SORCS2: variants seen among roughly 807,000 people sequenced by gnomAD.
SORCS2 encodes the protein VPS10 domain-containing receptor SorCS2.
A neutral mutation model predicts 141.6 loss-of-function variants in SORCS2; 100 were observed. The observed-to-expected ratio is 0.71, with a 90% confidence interval of 0.60 to 0.83. The LOEUF (loss-of-function observed/expected upper bound fraction) is 0.83. Ranked by LOEUF, SORCS2 falls within the 40% of genes least tolerant of loss-of-function variation. The pLI is 0.00. For synonymous variants in SORCS2, 789 were observed against 676.9 expected, an observed-to-expected ratio of 1.17 and a Z score of -2.57; for missense variants, 1,646 against 1,560.2, an observed-to-expected ratio of 1.05 and a Z score of -0.93.
chr4:7,314,640 A>G (rs1178266632), intron 1 of SORCS2, among the ~76,000 whole-genome samples: 1 of 151,760 alleles, frequency 6.6e-6, no homozygotes, highest in Non-Finnish European at 1.5e-5. Context: ...CACCCGGCCA[A>G]TCATGGACTT....
intron 2 of SORCS2, among the ~76,000 whole-genome samples, chr4:7,402,077 T>A (rs1577504625): frequency 1.3e-5 from 2 of 152,158 alleles, no homozygotes; most frequent in East Asian, 3.9e-4. Context: ...CAGTGGATGG[T>A]GAGCAGGAAT....
intron 8 of SORCS2, among the ~76,000 whole-genome samples, chr4:7,670,025 C>T (rs1372089832): frequency 6.6e-6 from 1 of 152,200 alleles, no homozygotes; most frequent in African/African-American, 2.4e-5. Context: ...TGTGTGCCCA[C>T]AGGTATTTCT....
At chr4:7,454,258 C>G (rs1240365767) in intron 2 of SORCS2, among the ~76,000 whole-genome samples, 3 of 83,818 alleles carry the variant, frequency 3.6e-5, no homozygotes, top group Non-Finnish European at 6.6e-5. Context: ...GGGTCAGGCT[C>G]TGTGTTGGGG....
intron 1 of SORCS2, among the ~76,000 whole-genome samples, chr4:7,196,310 G>A (rs939269365): frequency 4.6e-5 from 7 of 152,292 alleles, no homozygotes; most frequent in Middle Eastern, 3.4e-3. Context: ...TGGAGGCAGC[G>A]GTGCTATTTG....
chr4:7,674,177 T>A (rs867370127), intron 8 of SORCS2, among the ~76,000 whole-genome samples: 1 of 151,596 alleles, frequency 6.6e-6, no homozygotes, highest in Non-Finnish European at 1.5e-5. Flanking sequence ...GTTCTGTGTG[T>A]CTCGGTGCCA....
chr4:7,549,385 C>T lies in SORCS2; in HGVS notation c.648+17756C>T, dbSNP rs73797030. ...GAGATGTCCCAGCTTGGACAGCATT[C>T]TAGATGTTGGCCTTTTATTGATGTG... On this transcript the variant is annotated intron_variant, in intron 3 of 26. Transcript: ENST00000507866. Among the ~76,000 whole-genome samples the T allele has an allele frequency of 5.6e-3, 856 of 151,816 alleles. 11 individuals carry two copies. The highest frequency in any genetic ancestry group is 0.019 in the African/African-American group (802 of 41,392).
intron 19 of SORCS2, among the ~76,000 whole-genome samples, chr4:7,724,648 A>T (rs1217851526): frequency 7.5e-6 from 1 of 132,876 alleles, no homozygotes; most frequent in East Asian, 2.3e-4. Flanking sequence ...GGTGGAGGTG[A>T]TGGTGGTAGT....
chr4:7,615,761 C>T (rs1718717070), intron 3 of SORCS2, among the ~76,000 whole-genome samples: 1 of 137,734 alleles, frequency 7.3e-6, no homozygotes, highest in African/African-American at 2.9e-5. Context: ...CTTCACGGTG[C>T]TCATCACTTA....
At chr4:7,500,758 A>C (rs955597289) in intron 2 of SORCS2, among the ~76,000 whole-genome samples, 1 of 152,192 alleles carries the variant, frequency 6.6e-6, no homozygotes, top group Non-Finnish European at 1.5e-5. Context: ...GCTGTAACTC[A>C]GGGAGGCCCT....
chr4:7,444,027 C>T (rs1301954849), intron 2 of SORCS2, among the ~76,000 whole-genome samples: 1 of 152,238 alleles, frequency 6.6e-6, no homozygotes, highest in Non-Finnish European at 1.5e-5. Flanking sequence ...GTCTTATCCC[C>T]ACAGGTGAAG....
intron 2 of SORCS2, among the ~76,000 whole-genome samples, chr4:7,490,793 C>T (rs1731270075): frequency 6.6e-6 from 1 of 152,142 alleles, no homozygotes; most frequent in African/African-American, 2.4e-5. Context: ...CTCCGTGCCC[C>T]AGGTCATCTC....
At position 7,286,567 on chromosome 4, in the gene SORCS2, G is replaced by A. The variant is rs796128611; in HGVS notation, c.480+93441G>A. 4.7e-4 allele frequency among the ~76,000 whole-genome samples: 72 copies of A among 152,282 alleles called. No homozygotes were observed. The highest frequency in any genetic ancestry group is 1.6e-3 in the African/African-American group (65 of 41,552). ...CTGGGGTCGGTCCCAGGACCAGAAGGGACATGGTCCCATTCGGTCCCAGGC... is the reference window on the plus strand; with the variant it reads ...CTGGGGTCGGTCCCAGGACCAGAAGAGACATGGTCCCATTCGGTCCCAGGC... On this transcript the variant is annotated intron_variant, in intron 1 of 26. Coordinates refer to ENST00000507866, the MANE Select transcript of SORCS2 (RefSeq NM_020777.3). The surrounding 1 kb of genome is among the most constrained non-coding windows in gnomAD (Gnocchi z 4.1).
chr4:7,725,148 C>T lies in SORCS2; in HGVS notation c.2612-6C>T. ...ATCTAACCCTGGCCTTTTTGGGTCC[C>T]CACAGCCCCCCTGCAGGCCCTCTAC... On this transcript the variant is annotated splice_polypyrimidine_tract_variant and splice_region_variant and intron_variant, in intron 19 of 26. Coordinates refer to ENST00000507866, the MANE Select transcript of SORCS2 (RefSeq NM_020777.3). 1 of 1,612,134 alleles carries T rather than the reference C, an allele frequency of 6.2e-7. No individual in the cohort carries two copies.
At chr4:7,667,506 C>T (rs1291084435) in intron 8 of SORCS2, among the ~76,000 whole-genome samples, 1 of 152,168 alleles carries the variant, frequency 6.6e-6, no homozygotes, top group Admixed American at 6.5e-5. Context: ...GGAGAAATAT[C>T]ACTTGCTAAA....
intron 5 of SORCS2, among the ~76,000 whole-genome samples, chr4:7,656,219 A>C (rs182919526): frequency 1.4e-3 from 217 of 152,302 alleles, no homozygotes; most frequent in African/African-American, 5.0e-3. Flanking sequence ...AAGCAAGCTC[A>C]TTAGAGTGGC....
chr4:7,418,796 T>A (rs532345237), intron 2 of SORCS2, among the ~76,000 whole-genome samples: 2 of 150,054 alleles, frequency 1.3e-5, no homozygotes, highest in African/African-American at 4.9e-5. Context: ...CTCAGCTGGC[T>A]GGATCTTTGG....
intron 16 of SORCS2, 61 bp from the exon 17 acceptor site, chr4:7,715,122 C>T: frequency 6.3e-7 from 1 of 1,597,424 alleles, no homozygotes; most frequent in Non-Finnish European, 8.6e-7. Context: ...TCACCCCAAC[C>T]CTGGGTGACT....
At position 7,373,478 on chromosome 4, in the gene SORCS2, A is replaced by ATATATAATT. The variant is rs1470691140; in HGVS notation, c.481-22809_481-22808insATATAATTT. Among the ~76,000 whole-genome samples the ATATATAATT allele has an allele frequency of 4.1e-4, 15 of 36,818 alleles. 2 individuals carry two copies. Among genetic ancestry groups the ATATATAATT allele is most frequent in the African/African-American group, 2.4e-3 (15 of 6,272 alleles). 24.2% of individuals were successfully genotyped at this position (36,818 alleles called of 152,430 possible). A position where few individuals can be genotyped will look rare whatever the true frequency, so the allele number is the denominator to read the frequency against. On this transcript the variant is annotated intron_variant, in intron 1 of 26. Coordinates refer to ENST00000507866, the MANE Select transcript of SORCS2 (RefSeq NM_020777.3). ...AACTTTTATATATATATATATATAT[A>ATATATAATT]TTTTTTTTTTTTTTTTTTTTTTTTT...
chr4:7,255,893 ACCCGGGGCTGGAGCGTGGGGC>A (rs1713832398), intron 1 of SORCS2, among the ~76,000 whole-genome samples: 6 of 11,554 alleles, frequency 5.2e-4, no homozygotes, highest in African/African-American at 1.6e-3. Flanking sequence ...GAGCGTGGGG[ACCCGGGGCTGGAGCGTGGGGC>A]CCCGGGGCTG....
Sources: allele counts gnomAD v4.1 joint callset (sites outside exome capture counted in the v4.1 genomes callset), GRCh38; gene constraint gnomAD v4.1.1; non-coding constraint Gnocchi (gnomAD v3.1); transcripts MANE v1.5; gene names NCBI Gene and HGNC (gene_info 2026-07-23, HGNC 2026-07-21).